ACOXL: variants seen among roughly 807,000 people sequenced by gnomAD.
ACOXL encodes acyl-CoA oxidase like.
Under a neutral mutation model 71.9 loss-of-function variants are expected in ACOXL, and 70 were observed. The ratio of observed to expected loss-of-function variants is 0.97; its 90% confidence interval spans 0.80 to 1.19. The LOEUF is 1.19. Ranked by LOEUF, ACOXL falls within the 50% of genes most tolerant of loss-of-function variation. The pLI is 0.00. For synonymous variants in ACOXL, 253 were observed against 281.6 expected, an observed-to-expected ratio of 0.90 and a Z score of 1.02; for missense variants, 703 against 736.3, an observed-to-expected ratio of 0.95 and a Z score of 0.52.
At chr2:110,898,698 CTT>C (rs2059113228) in intron 10 of ACOXL, among the ~76,000 whole-genome samples, 1 of 152,178 alleles carries the variant, frequency 6.6e-6, no homozygotes, top group Non-Finnish European at 1.5e-5. Flanking sequence ...GATGTCTGCT[CTT>C]GCTACTGCTA....
At chr2:110,784,592 A>G (rs1683725096) in intron 2 of ACOXL, 140 bp from the exon 3 acceptor site, 3 of 576,276 alleles carry the variant, frequency 5.2e-6, no homozygotes, top group Non-Finnish European at 8.7e-6. Flanking sequence ...GAATGATGGA[A>G]TTGTTTCTTA....
chr2:110,929,547 C>T (rs1258131183), intron 11 of ACOXL, among the ~76,000 whole-genome samples: 3 of 152,208 alleles, frequency 2.0e-5, no homozygotes, highest in Non-Finnish European at 2.9e-5. Context: ...AAATTCAAGC[C>T]TGCTGCAGAA....
At chr2:110,829,722 T>C (rs1689595910) in intron 9 of ACOXL, among the ~76,000 whole-genome samples, 1 of 152,190 alleles carries the variant, frequency 6.6e-6, no homozygotes. Context: ...AGTGTGTGTG[T>C]ATGTATCTGT....
chr2:110,768,402 A>T lies in ACOXL; in HGVS notation c.13A>T (p.Thr5Ser), dbSNP rs762716278. 6.2e-7 allele frequency: 1 copy of T among 1,613,990 alleles called. No homozygotes were observed. Among genetic ancestry groups the T allele is most frequent in the Non-Finnish European group, 8.5e-7 (1 of 1,179,978 alleles). MRALTVQRVKFAMDL... is the reference protein window; with the variant it reads MRALSVQRVKFAMDL... ...AAGCTTGGATGAAATGAGAGCTTTG[A>T]CAGTTCAGAGAGTGAAGTTTGCCAT... Residue 5 changes from threonine to serine, a missense_variant, in exon 2 of 18, where the codon ACA (threonine) becomes TCA (serine). By Grantham distance (58) the Thr-to-Ser change is moderately conservative. Coordinates refer to ENST00000439055, the MANE Select transcript of ACOXL (RefSeq NM_001142807.4).
chr2:111,035,711 A>C (rs960359389), intron 15 of ACOXL, among the ~76,000 whole-genome samples: 7 of 152,232 alleles, frequency 4.6e-5, no homozygotes, highest in Non-Finnish European at 7.3e-5. Flanking sequence ...GATTAATTTC[A>C]GACTCCTCTC....
chr2:110,739,806 TCTG>T (rs1468709939), intron 1 of ACOXL, among the ~76,000 whole-genome samples: 2 of 152,212 alleles, frequency 1.3e-5, no homozygotes, highest in Admixed American at 1.3e-4. Flanking sequence ...CATCCTCTGT[TCTG>T]CTAAGTGAGT....
chr2:110,923,466 T>C (rs1320759331), intron 11 of ACOXL, among the ~76,000 whole-genome samples: 1 of 152,184 alleles, frequency 6.6e-6, no homozygotes, highest in Non-Finnish European at 1.5e-5. Context: ...ATTCAATACA[T>C]TTGATCCTAC....
At chr2:110,929,269 G>T (rs562799609) in intron 11 of ACOXL, among the ~76,000 whole-genome samples, 1 of 152,308 alleles carries the variant, frequency 6.6e-6, no homozygotes, top group Admixed American at 6.5e-5. Flanking sequence ...TGAAGAATTT[G>T]TTGGGAACTG....
intron 1 of ACOXL, among the ~76,000 whole-genome samples, chr2:110,736,650 C>T (rs796187634): frequency 2.8e-5 from 4 of 144,782 alleles, no homozygotes; most frequent in East Asian, 2.0e-4. Flanking sequence ...GACGGAGTCT[C>T]GCTCTGTGGC....
Position 111,092,935 on chromosome 2 carries a change from C to T in ACOXL, c.1511C>T (p.Thr504Ile), listed in dbSNP as rs375847802. Residue 504 changes from threonine to isoleucine, a missense_variant, in exon 17 of 18, where the codon ACT becomes ATT. Thr to Ile is a moderately conservative substitution (Grantham distance 89, BLOSUM62 -1). Transcript: ENST00000439055. ...RAWYLEHKYL[T>I]PMASTRIRNQ... is the part of the protein sequence containing the mutation. ...TGGTATTTAGAACATAAATACTTGA[C>T]TCCCATGGCCAGCACGAGGATCAGG... 2.2e-3 allele frequency: 3,537 copies of T among 1,613,948 alleles called. 102 individuals are homozygous for T. In the South Asian group the frequency reaches 0.036, roughly 17 times the overall value.
At chr2:111,076,172 T>C (rs2067591022) in intron 16 of ACOXL, among the ~76,000 whole-genome samples, 1 of 152,242 alleles carries the variant, frequency 6.6e-6, no homozygotes, top group African/African-American at 2.4e-5. Flanking sequence ...ATCTCAGTCC[T>C]ATCTATTACT....
chr2:110,930,745 C>T (rs1349010913), intron 11 of ACOXL, among the ~76,000 whole-genome samples: 5 of 152,206 alleles, frequency 3.3e-5, no homozygotes, highest in East Asian at 1.9e-4. Context: ...GAATAAGTCT[C>T]ATGAGATCTA....
chr2:111,045,090 G>A (rs1574587632), intron 15 of ACOXL, among the ~76,000 whole-genome samples: 2 of 152,204 alleles, frequency 1.3e-5, no homozygotes, highest in South Asian at 2.1e-4. Context: ...GGGACACTTA[G>A]GCGCAGTTGA....
At chr2:111,017,081 G>C (rs576751780) in intron 14 of ACOXL, among the ~76,000 whole-genome samples, 2 of 152,346 alleles carry the variant, frequency 1.3e-5, no homozygotes, top group East Asian at 3.9e-4. Flanking sequence ...TACACCAATT[G>C]CTAGTGAGTT....
intron 12 of ACOXL, among the ~76,000 whole-genome samples, chr2:110,946,092 G>A (rs2149389112): frequency 6.6e-6 from 1 of 152,162 alleles, no homozygotes; most frequent in Non-Finnish European, 1.5e-5. Context: ...CCTTTTTGTG[G>A]CATCACGTTT....
chr2:111,013,637 A>G (rs1033996719), intron 14 of ACOXL, among the ~76,000 whole-genome samples: 3 of 151,808 alleles, frequency 2.0e-5, no homozygotes, highest in Non-Finnish European at 2.9e-5. Flanking sequence ...ATTTTATTCC[A>G]TAACAACAAC....
intron 2 of ACOXL, among the ~76,000 whole-genome samples, chr2:110,778,187 G>A (rs1270124264): frequency 6.6e-6 from 1 of 152,178 alleles, no homozygotes; most frequent in East Asian, 1.9e-4. Context: ...TTCCAAGTCT[G>A]CTTTTCTACC....
intron 1 of ACOXL, among the ~76,000 whole-genome samples, chr2:110,734,079 T>C (rs991998462): frequency 6.6e-6 from 1 of 152,180 alleles, no homozygotes; most frequent in African/African-American, 2.4e-5. Context: ...TTTGTAAAAA[T>C]ATAGAACGAT....
At chr2:111,013,620 C>A (rs1024728710) in intron 14 of ACOXL, among the ~76,000 whole-genome samples, 1 of 145,466 alleles carries the variant, frequency 6.9e-6, no homozygotes, top group Non-Finnish European at 1.5e-5. Context: ...TCTTTTCTTT[C>A]TTTTCTATTT....
Sources: gnomAD v4.1 joint callset for allele counts (sites outside exome capture counted in the v4.1 genomes callset) on GRCh38, gnomAD v4.1.1 for gene constraint, MANE v1.5 for transcripts, NCBI Gene and HGNC (gene_info 2026-07-23, HGNC 2026-07-21) for gene names.